FMN2: variants seen among roughly 807,000 people sequenced by gnomAD.
The protein encoded by FMN2 is formin-2.
A neutral mutation model predicts 142.3 loss-of-function variants in FMN2; 51 were observed. The observed-to-expected ratio is 0.36, with a 90% CI of 0.29 to 0.45. FMN2 has a LOEUF of 0.45. FMN2 is among the 20% of genes least tolerant of loss of function. FMN2 has a pLI of 1.00. For missense variants in FMN2, 1,936 were observed against 2,122.8 expected, an observed-to-expected ratio of 0.91 and a Z score of 1.73; for synonymous variants, 882 against 869.8, an observed-to-expected ratio of 1.01 and a Z score of -0.25.
chr1:240,189,807 G>A (rs1461854518), intron 4 of FMN2, among the ~76,000 whole-genome samples: 1 of 152,184 alleles, frequency 6.6e-6, no homozygotes, highest in African/African-American at 2.4e-5. Flanking sequence ...AGATAAAAAG[G>A]TAAAAAGAAA....
chr1:240,405,205 G>A (rs1307195723), intron 15 of FMN2, among the ~76,000 whole-genome samples: 3 of 152,154 alleles, frequency 2.0e-5, no homozygotes, highest in Non-Finnish European at 4.4e-5. Flanking sequence ...AATGCAAGTA[G>A]GGCAAGGGCT....
At chr1:240,098,163 G>A (rs755801615) in intron 1 of FMN2, among the ~76,000 whole-genome samples, 6 of 143,870 alleles carry the variant, frequency 4.2e-5, no homozygotes, top group African/African-American at 1.1e-4. Flanking sequence ...ATGAAGTGGC[G>A]TGATCTTGGC....
intron 15 of FMN2, among the ~76,000 whole-genome samples, chr1:240,419,019 A>G (rs1016419426): frequency 6.6e-6 from 1 of 152,202 alleles, no homozygotes; most frequent in African/African-American, 2.4e-5. Context: ...GAGGCAGGAG[A>G]ACTGCTTGAT....
intron 8 of FMN2, among the ~76,000 whole-genome samples, chr1:240,295,768 G>C (rs1415804540): frequency 3.3e-5 from 5 of 152,134 alleles, no homozygotes; most frequent in Admixed American, 3.3e-4. Context: ...ATTTCCTTTG[G>C]ATGTATTCCC....
chr1:240,297,594 CAAAAAAAA>C (rs57504077), intron 8 of FMN2, among the ~76,000 whole-genome samples: 2 of 88,776 alleles, frequency 2.3e-5, no homozygotes, highest in Non-Finnish European at 2.3e-5. Flanking sequence ...GACTCCATCT[CAAAAAAAA>C]AAAAAAAAAA....
intron 8 of FMN2, among the ~76,000 whole-genome samples, chr1:240,302,577 G>A (rs1479536672): frequency 6.6e-6 from 1 of 151,960 alleles, no homozygotes; most frequent in East Asian, 1.9e-4. Flanking sequence ...AAATGTTGAA[G>A]AGCATTTGAA....
chr1:240,455,379 G>A (rs1311676092), intron 16 of FMN2, among the ~76,000 whole-genome samples: 3 of 152,122 alleles, frequency 2.0e-5, no homozygotes, highest in Non-Finnish European at 4.4e-5. Flanking sequence ...TTAGCTGGGT[G>A]TGGTGGCACA....
chr1:240,432,506 C>CT (rs1675211054), intron 15 of FMN2, among the ~76,000 whole-genome samples: 1 of 151,582 alleles, frequency 6.6e-6, no homozygotes, highest in Admixed American at 6.6e-5. Context: ...GTTTTGTGTT[C>CT]TTTTTTATTA....
chr1:240,124,225 T>C (rs946599303), intron 2 of FMN2, among the ~76,000 whole-genome samples: 7 of 152,186 alleles, frequency 4.6e-5, no homozygotes, highest in Admixed American at 2.0e-4. Context: ...TGTAAGTCCA[T>C]ATGTATGACT....
intron 3 of FMN2, among the ~76,000 whole-genome samples, chr1:240,186,911 G>A (rs1415842429): frequency 4.9e-5 from 7 of 142,454 alleles, no homozygotes; most frequent in African/African-American, 1.9e-4. Context: ...TTATTTTTCT[G>A]TAGCATTGTC....
At chr1:240,275,683 G>A (rs911107846) in intron 7 of FMN2, among the ~76,000 whole-genome samples, 17 of 152,112 alleles carry the variant, frequency 1.1e-4, no homozygotes, top group Admixed American at 1.1e-3. Context: ...CTCCACAATG[G>A]TTGAACTAAT....
At chr1:240,379,778 A>T (rs950712003) in intron 14 of FMN2, among the ~76,000 whole-genome samples, 2 of 152,212 alleles carry the variant, frequency 1.3e-5, no homozygotes, top group African/African-American at 4.8e-5. Flanking sequence ...GTTCCACTTC[A>T]ATTAAGTTGA....
rs544693915 is a variant in FMN2, at chr1:240,424,515, G to T, written c.4911-13546G>T. ...GATATGGGAATGAGGGAAAGGAATT[G>T]CTTTCCTTAACTTCTCTGTATGAAG... On this transcript the variant is annotated intron_variant, in intron 15 of 17. Coordinates refer to ENST00000319653, the MANE Select transcript of FMN2 (RefSeq NM_020066.5). 1.9e-4 allele frequency among the ~76,000 whole-genome samples: 29 copies of T among 152,264 alleles called. No individual in the cohort carries two copies. In the South Asian group the frequency reaches 5.4e-3, roughly 28 times the overall value.
intron 8 of FMN2, among the ~76,000 whole-genome samples, chr1:240,319,004 T>C (rs1670880185): frequency 6.6e-6 from 1 of 152,210 alleles, no homozygotes; most frequent in South Asian, 2.1e-4. Context: ...GCTTCTGAAG[T>C]ATGCAGGTGA....
At chr1:240,265,550 C>T (rs564107264) in intron 7 of FMN2, among the ~76,000 whole-genome samples, 1 of 152,104 alleles carries the variant, frequency 6.6e-6, no homozygotes, top group Non-Finnish European at 1.5e-5. Flanking sequence ...GTGACTGAGT[C>T]AGCTGGCACC....
chr1:240,168,173 T>A (rs1261141904), intron 2 of FMN2, among the ~76,000 whole-genome samples: 1 of 152,224 alleles, frequency 6.6e-6, no homozygotes, highest in Non-Finnish European at 1.5e-5. Context: ...TATTATTTTT[T>A]AATAATTAAA....
chr1:240,355,067 G>T (rs1672217290), intron 13 of FMN2, among the ~76,000 whole-genome samples: 1 of 152,082 alleles, frequency 6.6e-6, no homozygotes, highest in Admixed American at 6.6e-5. Context: ...GATGCCACAG[G>T]CATGAAAAGA....
At chr1:240,210,421 G>A (rs973780589) in intron 5 of FMN2, among the ~76,000 whole-genome samples, 23 of 152,092 alleles carry the variant, frequency 1.5e-4, no homozygotes, top group African/African-American at 3.6e-4. Flanking sequence ...ACACCATATC[G>A]GGGGCAAGAA....
intron 2 of FMN2, chr1:240,142,840 C>T: frequency 1.9e-6 from 3 of 1,586,666 alleles, no homozygotes; most frequent in Admixed American, 1.7e-5. Flanking sequence ...TGGCCCACCA[C>T]ATCCACTGCC....
Sources: gnomAD v4.1 joint callset for allele counts (sites outside exome capture counted in the v4.1 genomes callset) on GRCh38, gnomAD v4.1.1 for gene constraint, MANE v1.5 for transcripts, NCBI Gene and HGNC (gene_info 2026-07-23, HGNC 2026-07-21) for gene names.